The following GTF2H4 variants were observed in gnomAD, a reference collection of about 807,000 sequenced individuals.
GTF2H4 encodes the protein BTF2 p52.
A neutral mutation model predicts 62.2 loss-of-function variants in GTF2H4; 49 were observed. The observed-to-expected ratio is 0.79, with a 90% confidence interval of 0.63 to 1.00. GTF2H4 has a LOEUF of 1.00. Among genes scored for constraint, GTF2H4 ranks in the 50% least tolerant of loss-of-function variants. GTF2H4 has a pLI of 0.00. For missense variants in GTF2H4, 479 were observed against 587.8 expected, an observed-to-expected ratio of 0.81 and a Z score of 1.91; for synonymous variants, 189 against 233.8, an observed-to-expected ratio of 0.81 and a Z score of 1.75.
In GTF2H4 at chr6:30,912,469, T is replaced by G; in HGVS notation, c.1089+11T>G. On this transcript the variant is annotated intron_variant, in intron 11 of 13. Transcript: ENST00000259895. The surrounding 1 kb of genome is among the most constrained non-coding windows in gnomAD (Gnocchi z 4.8). ...ATCACAGCCCAGCAGGTATTCCCAC[T>G]TGGGAGAGGTGGAGCAGGAAGACAG... 1 of 1,611,640 alleles carries G rather than the reference T, an allele frequency of 6.2e-7. No homozygotes were observed.
rs1168012721 is a variant in GTF2H4 at position 30,912,376 on chromosome 6, A to T, written c.1007A>T (p.Tyr336Phe). ...ALIALFSEMLYRFPNMVVAQV... is the reference protein window; with the variant it reads ...ALIALFSEMLFRFPNMVVAQV... ...ATTGCCCTCTTCTCTGAGATGCTCTATCGGTTCCCCAACATGGTGGTGGCG... is the reference window on the plus strand; with the variant it reads ...ATTGCCCTCTTCTCTGAGATGCTCTTTCGGTTCCCCAACATGGTGGTGGCG... Residue 336 changes from tyrosine (Y) to phenylalanine (F), a missense_variant, in exon 11 of 14, where the codon TAT becomes TTT. By Grantham distance (22) the Tyr-to-Phe change is conservative. Transcript: ENST00000259895. The surrounding 1 kb of genome is among the most constrained non-coding windows in gnomAD (Gnocchi z 4.8). 1.9e-6 allele frequency: 3 copies of T among 1,612,888 alleles called. No homozygotes were observed. The highest frequency in any genetic ancestry group is 3.3e-5 in the Admixed American group (2 of 60,000).
chr6:30,908,314 T>C lies in GTF2H4; in HGVS notation c.-93T>C. ...TTTCCTCGCATTTTTTCACCATCTTTCCCTCAATCTCCAGGAGCCAATGCG... is the reference window on the plus strand; with the variant it reads ...TTTCCTCGCATTTTTTCACCATCTTCCCCTCAATCTCCAGGAGCCAATGCG... On this transcript the variant is annotated 5_prime_UTR_variant, in exon 1 of 14. Coordinates refer to ENST00000259895, the MANE Select transcript of GTF2H4 (RefSeq NM_001517.5). The C allele has an allele frequency of 6.5e-6, 1 of 153,746 alleles. No individual in the cohort carries two copies. 9.5% of individuals were successfully genotyped at this position (153,746 alleles called of 1,614,324 possible).
Position 30,912,304 on chromosome 6 carries a change from ATCC to A in GTF2H4, c.959-21_959-19del. On this transcript the variant is annotated intron_variant, in intron 10 of 13. Transcript: ENST00000259895. The surrounding 1 kb of genome is among the most constrained non-coding windows in gnomAD (Gnocchi z 4.8). ...GTCTGGGTGTGGGGGTGGCCTCCTC[ATCC>A]TCTTTCTATCCCTGGCTCAGAGTCG... is the stretch of plus-strand genomic sequence containing the variant. 1 of 1,612,330 alleles carries A rather than the reference ATCC, an allele frequency of 6.2e-7. No homozygotes were observed. Among genetic ancestry groups the A allele is most frequent in the Non-Finnish European group, 8.5e-7 (1 of 1,179,652 alleles).
At chr6:30,908,723 T>C (rs1040728514) in intron 1 of GTF2H4, among the ~76,000 whole-genome samples, 1 of 152,202 alleles carries the variant, frequency 6.6e-6, no homozygotes, top group African/African-American at 2.4e-5. Flanking sequence ...TCTTTGTCCC[T>C]GTTTAGCCAA....
rs1425872606 is a variant in GTF2H4 at position 30,913,493 on chromosome 6, C to T, written c.1216+106C>T. 1.5e-6 allele frequency: 2 copies of T among 1,322,680 alleles called. No homozygotes were observed. The highest frequency in any genetic ancestry group is 2.1e-6 in the Non-Finnish European group (2 of 960,320). 81.9% of individuals were successfully genotyped at this position (1,322,680 alleles called of 1,614,324 possible). A position where few individuals can be genotyped will look rare whatever the true frequency, so the allele number is the denominator to read the frequency against. ...TCATGGACTAGGAGAGAAAAGCTGGCAAGACAGTTTTTTGTTGTTTTGGGG... is the reference window on the plus strand; with the variant it reads ...TCATGGACTAGGAGAGAAAAGCTGGTAAGACAGTTTTTTGTTGTTTTGGGG... On this transcript the variant is annotated intron_variant, in intron 13 of 13. Transcript: ENST00000259895. This position sits in a 1 kb window ranked among gnomAD's most constrained non-coding sequence, Gnocchi z 4.2.
rs150962097 is a variant in GTF2H4 at position 30,909,490 on chromosome 6, C to G, written c.193C>G (p.Pro65Ala). ...WVMRMLFLEQ[P>A]LPQAAVALWV... Reference sequence around the variant, plus strand: ...GATGCGGATGCTCTTTCTGGAGCAGCCTTTGCCACAGGCTGCTGTAGCTCT... The same window carrying G: ...GATGCGGATGCTCTTTCTGGAGCAGGCTTTGCCACAGGCTGCTGTAGCTCT... Residue 65 changes from proline to alanine, a missense_variant, in exon 3 of 14, where the codon CCT (proline) becomes GCT (alanine). By Grantham distance (27) the Pro-to-Ala change is conservative. Coordinates refer to ENST00000259895, the MANE Select transcript of GTF2H4 (RefSeq NM_001517.5). The surrounding 1 kb of genome is among the most constrained non-coding windows in gnomAD (Gnocchi z 4.3). 67 of 1,612,664 alleles carry G rather than the reference C, an allele frequency of 4.2e-5. 1 individual carries two copies. The Middle Eastern group carries it at 2.5e-3, about 59-fold the overall frequency.
In GTF2H4 at chr6:30,914,022, T is replaced by A. The variant is rs138214047; in HGVS notation, c.*39T>A. 1,115 of 698,664 alleles carry A rather than the reference T, an allele frequency of 1.6e-3. 28 individuals carry two copies. In the Admixed American group the frequency reaches 0.025, roughly 16 times the overall value. 43.3% of individuals were successfully genotyped at this position (698,664 alleles called of 1,614,324 possible). On this transcript the variant is annotated 3_prime_UTR_variant, in exon 14 of 14. Transcript: ENST00000259895. ...GGACACGGACCTCGGCGGGCGGGACTGGGCGGGGCGGGGCATCAGAACTCA... is the reference window on the plus strand; with the variant it reads ...GGACACGGACCTCGGCGGGCGGGACAGGGCGGGGCGGGGCATCAGAACTCA...
chr6:30,909,094 C>A lies in GTF2H4; in HGVS notation c.58C>A (p.Gln20Lys), dbSNP rs1239727958. Residue 20 changes from glutamine (Q) to lysine (K), a missense_variant, in exon 2 of 14, where the codon CAG (glutamine) becomes AAG (lysine). Physicochemically the swap from Gln to Lys is moderately conservative, Grantham distance 53 (BLOSUM62 1). Transcript: ENST00000259895. This position sits in a 1 kb window ranked among gnomAD's most constrained non-coding sequence, Gnocchi z 4.3. The stretch of plus-strand genomic sequence containing the variant: ...AGTACACCTACAATGCAGGAATCTG[C>A]AGGAATTCTTAGGGGGCCTGAGCCC... ...NRVHLQCRNLQEFLGGLSPGV... is the reference protein window; with the variant it reads ...NRVHLQCRNLKEFLGGLSPGV... 1.9e-6 allele frequency: 3 copies of A among 1,614,086 alleles called. No homozygotes were observed.
Position 30,913,580 on chromosome 6 carries a change from A to C in GTF2H4, c.1216+193A>C, listed in dbSNP as rs1302599646. ...ACTTTGGATTTGGCTAGGTGAGGGA[A>C]TAATTCACAGTAATTTGTATTAGGC... On this transcript the variant is annotated intron_variant, in intron 13 of 13. Coordinates refer to ENST00000259895, the MANE Select transcript of GTF2H4 (RefSeq NM_001517.5). The surrounding 1 kb of genome is among the most constrained non-coding windows in gnomAD (Gnocchi z 4.2). 6.6e-6 allele frequency among the ~76,000 whole-genome samples: 1 copy of C among 152,252 alleles called. No homozygotes were observed. The highest frequency in any genetic ancestry group is 1.5e-5 in the Non-Finnish European group (1 of 68,046).
Position 30,909,550 on chromosome 6 carries a change from G to C in GTF2H4, c.242+11G>C. On this transcript the variant is annotated intron_variant, in intron 3 of 13. Coordinates refer to ENST00000259895, the MANE Select transcript of GTF2H4 (RefSeq NM_001517.5). The surrounding 1 kb of genome is among the most constrained non-coding windows in gnomAD (Gnocchi z 4.3). ...GAAGGAATTCAGCAAGTAAGTCTCA[G>C]CCAGATACAAATTTCTCAACAGCTA... 4 of 1,547,696 alleles carry C rather than the reference G, an allele frequency of 2.6e-6. No individual in the cohort carries two copies. The highest frequency in any genetic ancestry group is 3.6e-6 in the Non-Finnish European group (4 of 1,120,966).
rs147646663 is a variant in GTF2H4, at chr6:30,913,836, G to A, written c.1242G>A (p.Ser414=). 6 of 1,599,854 alleles carry A rather than the reference G, an allele frequency of 3.8e-6. No individual in the cohort carries two copies. The Admixed American group carries it at 8.5e-5, about 23-fold the overall frequency. ...GTGTCCTGTATAACCAGTTCCTGTC[G>A]CAAGTGGACTTTGAGCTGCTGCTGG... ...TEGVLYNQFL[S]QVDFELLLAH... The change falls in exon 14 of 14, where the codon TCG becomes TCA. Residue 414 remains serine, a synonymous_variant. Coordinates refer to ENST00000259895, the MANE Select transcript of GTF2H4 (RefSeq NM_001517.5). The surrounding 1 kb of genome is among the most constrained non-coding windows in gnomAD (Gnocchi z 4.2).
In GTF2H4 at chr6:30,913,223, G is replaced by C; in HGVS notation, c.1137+66G>C. 6.2e-7 allele frequency: 1 copy of C among 1,612,680 alleles called. No homozygotes were observed. The highest frequency in any genetic ancestry group is 8.5e-7 in the Non-Finnish European group (1 of 1,178,964). On this transcript the variant is annotated intron_variant, in intron 12 of 13. Coordinates refer to ENST00000259895, the MANE Select transcript of GTF2H4 (RefSeq NM_001517.5). The surrounding 1 kb of genome is among the most constrained non-coding windows in gnomAD (Gnocchi z 4.2). ...GATGACATGATGGAAAAGAAAAAGG[G>C]GCATCCAAATCTGGGGAAGAAACAG...
At position 30,909,469 on chromosome 6, in the gene GTF2H4, C is replaced by G. The variant is rs1209029702; in HGVS notation, c.172C>G (p.Arg58Gly). The change falls in exon 3 of 14, where the codon CGG (arginine) becomes GGG (glycine). Residue 58 changes from arginine to glycine, a missense_variant. By Grantham distance (125) the Arg-to-Gly change is moderately radical. Coordinates refer to ENST00000259895, the MANE Select transcript of GTF2H4 (RefSeq NM_001517.5). The surrounding 1 kb of genome is among the most constrained non-coding windows in gnomAD (Gnocchi z 4.3). ...ATCCTTGGCTAAGAACTGGGTGATG[C>G]GGATGCTCTTTCTGGAGCAGCCTTT... ...LPSLAKNWVM[R>G]MLFLEQPLPQ... 6.2e-7 allele frequency: 1 copy of G among 1,612,570 alleles called. No homozygotes were observed. Among genetic ancestry groups the G allele is most frequent in the African/African-American group, 1.3e-5 (1 of 75,036 alleles).
In GTF2H4 at chr6:30,913,199, A is replaced by T. The variant is rs548678740; in HGVS notation, c.1137+42A>T. 9.3e-6 allele frequency: 15 copies of T among 1,613,666 alleles called. No individual in the cohort carries two copies. Among genetic ancestry groups the T allele is most frequent in the Non-Finnish European group, 1.1e-5 (13 of 1,179,642 alleles). On this transcript the variant is annotated intron_variant, in intron 12 of 13. Transcript: ENST00000259895. The surrounding 1 kb of genome is among the most constrained non-coding windows in gnomAD (Gnocchi z 4.2). ...AGATGTCAGAGGCTGGCAGCTGGTG[A>T]TGACATGATGGAAAAGAAAAAGGGG...
In GTF2H4 at chr6:30,911,772, G is replaced by C; in HGVS notation, c.825+5G>C. 6.2e-7 allele frequency: 1 copy of C among 1,611,220 alleles called. No homozygotes were observed. Among genetic ancestry groups the C allele is most frequent in the Non-Finnish European group, 8.5e-7 (1 of 1,178,392 alleles). ...GGGCTTGTTTTCCAGAGGAAGGTAT[G>C]AGCGCCTAGATAAGTGGCTTCCAGG... On this transcript the variant is annotated splice_donor_5th_base_variant and intron_variant, in intron 9 of 13. Transcript: ENST00000259895. The surrounding 1 kb of genome is among the most constrained non-coding windows in gnomAD (Gnocchi z 4.3).
Position 30,911,235 on chromosome 6 carries a change from G to C in GTF2H4, c.638G>C (p.Trp213Ser). ...FLLLDTPAQL[W>S]YFMLQYLQTA... ...TTGCTGGACACCCCGGCTCAGCTCTGGTACTTTATGTTGCAGTATTTGCAG... is the reference window on the plus strand; with the variant it reads ...TTGCTGGACACCCCGGCTCAGCTCTCGTACTTTATGTTGCAGTATTTGCAG... Residue 213 changes from tryptophan to serine, a missense_variant, in exon 7 of 14, where the codon TGG (tryptophan) becomes TCG (serine). Transcript: ENST00000259895. The surrounding 1 kb of genome is among the most constrained non-coding windows in gnomAD (Gnocchi z 4.3). 1 of 1,613,628 alleles carries C rather than the reference G, an allele frequency of 6.2e-7. No homozygotes were observed. The highest frequency in any genetic ancestry group is 8.5e-7 in the Non-Finnish European group (1 of 1,180,002).
Position 30,909,269 on chromosome 6 carries a change from G to A in GTF2H4, c.137+96G>A. The A allele has an allele frequency of 6.9e-7, 1 of 1,443,480 alleles. No homozygotes were observed. Among genetic ancestry groups the A allele is most frequent in the Non-Finnish European group, 9.3e-7 (1 of 1,070,048 alleles). 89.4% of individuals were successfully genotyped at this position (1,443,480 alleles called of 1,614,324 possible). Reference sequence around the variant, plus strand: ...GTGTAGCAGCCTGGAGTCGGGGTGGGGACTGGGGGCAAGGGTTGGAAATTG... The same window carrying A: ...GTGTAGCAGCCTGGAGTCGGGGTGGAGACTGGGGGCAAGGGTTGGAAATTG... On this transcript the variant is annotated intron_variant, in intron 2 of 13. Coordinates refer to ENST00000259895, the MANE Select transcript of GTF2H4 (RefSeq NM_001517.5). The surrounding 1 kb of genome is among the most constrained non-coding windows in gnomAD (Gnocchi z 4.3).
In GTF2H4 at chr6:30,912,515, G is replaced by C. The variant is rs1021311930; in HGVS notation, c.1089+57G>C. ...GACAGGCTGCACTTGGGCTGCGGGG[G>C]ACAGGGGTCACATTATGGAAGGCTA... On this transcript the variant is annotated intron_variant, in intron 11 of 13. Transcript: ENST00000259895. This position sits in a 1 kb window ranked among gnomAD's most constrained non-coding sequence, Gnocchi z 4.8. 6.2e-7 allele frequency: 1 copy of C among 1,601,688 alleles called. No individual in the cohort carries two copies. Among genetic ancestry groups the C allele is most frequent in the Admixed American group, 1.7e-5 (1 of 59,934 alleles).
In GTF2H4 at chr6:30,910,880, C is replaced by T. The variant is rs61733214; in HGVS notation, c.499C>T (p.Pro167Ser). 1.9e-5 allele frequency: 31 copies of T among 1,612,304 alleles called. No homozygotes were observed. The highest frequency in any genetic ancestry group is 2.6e-5 in the Non-Finnish European group (31 of 1,179,690). ...EVVLHFMVGS[P>S]SAAVSQDLAQ... ...GGTCTTGCACTTCATGGTGGGCTCCCCCAGTGCAGCTGTCAGCCAGGACTT... is the reference window on the plus strand; with the variant it reads ...GGTCTTGCACTTCATGGTGGGCTCCTCCAGTGCAGCTGTCAGCCAGGACTT... The change falls in exon 6 of 14, where the codon CCC becomes TCC. Residue 167 changes from proline (P) to serine (S), a missense_variant. Transcript: ENST00000259895. This position sits in a 1 kb window ranked among gnomAD's most constrained non-coding sequence, Gnocchi z 4.7.
Sources: gnomAD v4.1 joint callset for allele counts (sites outside exome capture counted in the v4.1 genomes callset) on GRCh38, gnomAD v4.1.1 for gene constraint, Gnocchi (gnomAD v3.1) non-coding constraint, MANE v1.5 for transcripts, NCBI Gene and HGNC (gene_info 2026-07-23, HGNC 2026-07-21) for gene names.